The following SATB2 variants were observed in gnomAD, a reference collection of about 807,000 sequenced individuals.
The protein encoded by SATB2 is DNA-binding protein SATB2.
SATB2 carries 1 observed loss-of-function variant against 73.4 expected under a neutral mutation model. The ratio of observed to expected loss-of-function variants is 0.01; its 90% CI spans 0.00 to 0.06. The LOEUF (loss-of-function observed/expected upper bound fraction) is 0.06. Ranked by LOEUF, SATB2 falls within the 10% of genes least tolerant of loss-of-function variation. The pLI is 1.00. For missense variants in SATB2, 459 were observed against 945.8 expected (o/e 0.49, Z 6.75); for synonymous variants, 397 against 367.0 (o/e 1.08, Z -0.93).
At position 199,380,712 on chromosome 2, in the gene SATB2, G is replaced by A. The variant is rs1689745746; in HGVS notation, c.474-225C>T. On this transcript the variant is annotated intron_variant, in intron 4 of 10. Transcript: ENST00000417098. ...TCATCCCACTCATCCAAGAAAAATA[G>A]TCATTTGCAATACAAGAGATGCTAT... 2.0e-5 allele frequency among the ~76,000 whole-genome samples: 3 copies of A among 152,164 alleles called. No individual in the cohort carries two copies. The South Asian group carries it at 6.2e-4, about 31-fold the overall frequency.
intron 3 of SATB2, among the ~76,000 whole-genome samples, chr2:199,402,847 C>T (rs1690523027): frequency 6.6e-6 from 1 of 152,164 alleles, no homozygotes; most frequent in African/African-American, 2.4e-5. Context: ...TCAGATCTAA[C>T]AGTCTTGTCA....
intron 10 of SATB2, among the ~76,000 whole-genome samples, chr2:199,286,135 GA>G (rs10570313): frequency 0.012 from 1,848 of 149,880 alleles, 49 homozygotes; most frequent in African/African-American, 0.042. Flanking sequence ...ATAGTTTGGG[GA>G]AAAAAAAAAA....
chr2:199,274,628 C>T (rs1249713236), intron 10 of SATB2, among the ~76,000 whole-genome samples: 1 of 152,106 alleles, frequency 6.6e-6, no homozygotes, highest in African/African-American at 2.4e-5. Flanking sequence ...GAAAGAAATC[C>T]TAAGCACAGG....
intron 10 of SATB2, among the ~76,000 whole-genome samples, chr2:199,290,078 C>T (rs1184781535): frequency 1.3e-5 from 2 of 152,194 alleles, no homozygotes; most frequent in Non-Finnish European, 2.9e-5. Flanking sequence ...GTCCTTGCTC[C>T]CCAGCCCCTG....
At chr2:199,442,566 A>AAAC (rs1214696056) in intron 2 of SATB2, among the ~76,000 whole-genome samples, 1 of 152,178 alleles carries the variant, frequency 6.6e-6, no homozygotes, top group East Asian at 1.9e-4. Flanking sequence ...AGAATTTAAA[A>AAAC]AACAACAACA....
chr2:199,314,641 A>T (rs995500366), intron 9 of SATB2, among the ~76,000 whole-genome samples: 1 of 152,092 alleles, frequency 6.6e-6, no homozygotes, highest in African/African-American at 2.4e-5. Flanking sequence ...AGTAATTCTG[A>T]CCATGAAGCA....
intron 10 of SATB2, among the ~76,000 whole-genome samples, chr2:199,279,884 T>C (rs990448518): frequency 1.3e-5 from 2 of 152,236 alleles, no homozygotes; most frequent in Non-Finnish European, 2.9e-5. Context: ...ATGATGCCTA[T>C]AATCCCAACA....
At chr2:199,465,720 A>G (rs1443105053), upstream of SATB2, among the ~76,000 whole-genome samples, 1 of 152,214 alleles carries the variant, frequency 6.6e-6, no homozygotes. Flanking sequence ...AGTGATATAT[A>G]CTTTTTTCGT....
At chr2:199,299,382 A>G (rs1226927660) in intron 10 of SATB2, among the ~76,000 whole-genome samples, 1 of 152,194 alleles carries the variant, frequency 6.6e-6, no homozygotes, top group African/African-American at 2.4e-5. Context: ...TGTTCTTTTA[A>G]GGTAATCTCA....
chr2:199,462,759 C>G (rs1362783377), upstream of SATB2, among the ~76,000 whole-genome samples: 2 of 152,052 alleles, frequency 1.3e-5, no homozygotes, highest in East Asian at 1.9e-4. The surrounding 1 kb of genome is among the most constrained non-coding windows in gnomAD (Gnocchi z 5.9). Flanking sequence ...CCCTGCGGCC[C>G]GAGCAGAGAG....
At chr2:199,422,302 GT>G (rs60270792) in intron 3 of SATB2, among the ~76,000 whole-genome samples, 8,193 of 144,604 alleles carry the variant, frequency 0.057, 235 homozygotes, top group Middle Eastern at 0.099. Context: ...AAAATTTTTA[GT>G]TTTTTTTTTT....
At chr2:199,285,629 G>C (rs1259174535) in intron 10 of SATB2, among the ~76,000 whole-genome samples, 1 of 151,720 alleles carries the variant, frequency 6.6e-6, no homozygotes, top group African/African-American at 2.4e-5. Flanking sequence ...GCAGACTACA[G>C]GTGTTAGATT....
chr2:199,304,649 T>C (rs1312852898), intron 10 of SATB2, among the ~76,000 whole-genome samples: 1 of 152,200 alleles, frequency 6.6e-6, no homozygotes, highest in Non-Finnish European at 1.5e-5. Context: ...CCTGGGGCAA[T>C]GCTGGTCCAA....
At chr2:199,412,435 A>C (rs1690848739) in intron 3 of SATB2, among the ~76,000 whole-genome samples, 1 of 152,210 alleles carries the variant, frequency 6.6e-6, no homozygotes, top group African/African-American at 2.4e-5. Context: ...GGAAGGAGCA[A>C]GGAGAGAGGC....
At chr2:199,433,921 TACACG>T in intron 2 of SATB2, among the ~76,000 whole-genome samples, 1 of 152,120 alleles carries the variant, frequency 6.6e-6, no homozygotes, top group Non-Finnish European at 1.5e-5. Flanking sequence ...ATATTACTTT[TACACG>T]TAAAAGTAAT....
chr2:199,440,578 G>A (rs1691787003), intron 2 of SATB2, among the ~76,000 whole-genome samples: 1 of 152,140 alleles, frequency 6.6e-6, no homozygotes, highest in Admixed American at 6.5e-5. Flanking sequence ...TGGATGCAAA[G>A]GGAGCCACCC....
At chr2:199,447,263 C>G (rs1422550906) in intron 2 of SATB2, among the ~76,000 whole-genome samples, 1 of 152,152 alleles carries the variant, frequency 6.6e-6, no homozygotes, top group African/African-American at 2.4e-5. Flanking sequence ...GCCAGAGTCT[C>G]AGCAATGTTA....
At chr2:199,377,860 T>C (rs1356990088) in intron 5 of SATB2, among the ~76,000 whole-genome samples, 2 of 151,942 alleles carry the variant, frequency 1.3e-5, no homozygotes, top group African/African-American at 4.8e-5. Context: ...ATGGAACCCA[T>C]AGGATCAAAC....
At position 199,306,494 on chromosome 2, in the gene SATB2, T is replaced by A. The variant is rs548949976; in HGVS notation, c.1740+2266A>T. Among the ~76,000 whole-genome samples the A allele has an allele frequency of 4.1e-4, 63 of 152,342 alleles. 2 individuals carry two copies. The South Asian group carries it at 0.012, about 30-fold the overall frequency. On this transcript the variant is annotated intron_variant, in intron 10 of 10. Coordinates refer to ENST00000417098, the MANE Select transcript of SATB2 (RefSeq NM_001172509.2). ...GGTCTGAGTGATGGAAATAAACTTTTATAAAATAAGTGCATTTCTCTTAGT... is the reference window on the plus strand; with the variant it reads ...GGTCTGAGTGATGGAAATAAACTTTAATAAAATAAGTGCATTTCTCTTAGT...
Sources: gnomAD v4.1 joint callset for allele counts (sites outside exome capture counted in the v4.1 genomes callset) on GRCh38, gnomAD v4.1.1 for gene constraint, Gnocchi (gnomAD v3.1) non-coding constraint, MANE v1.5 for transcripts, NCBI Gene and HGNC (gene_info 2026-07-23, HGNC 2026-07-21) for gene names.